Variants in TMBIM4 observed in about 807,000 individuals in gnomAD.
TMBIM4 encodes the protein transmembrane BAX inhibitor motif containing 4.
In TMBIM4, 28 loss-of-function variants were observed where a neutral mutation model predicts 27.7. That is an observed-to-expected ratio of 1.01 (90% CI 0.75 to 1.38). The LOEUF (loss-of-function observed/expected upper bound fraction) is 1.38, where lower values mean the gene tolerates loss of function less well. TMBIM4 is among the 40% of genes most tolerant of loss of function. TMBIM4 has a pLI of 0.00. For synonymous variants in TMBIM4, 115 were observed against 113.1 expected (o/e 1.02, Z -0.11); for missense variants, 265 against 277.5 (o/e 0.95, Z 0.32).
At chr12:66,148,108 G>C (rs1359031416) in intron 3 of TMBIM4, among the ~76,000 whole-genome samples, 167 bp from the exon 4 acceptor site, 1 of 152,136 alleles carries the variant, frequency 6.6e-6, no homozygotes, top group Non-Finnish European at 1.5e-5. Flanking sequence ...TAATGAAAAT[G>C]AGACCTCAGT....
chr12:66,160,903 A>G (rs1040076840), intron 1 of TMBIM4, among the ~76,000 whole-genome samples: 10 of 141,694 alleles, frequency 7.1e-5, no homozygotes, highest in African/African-American at 2.1e-4. Flanking sequence ...TGCTCCTAAC[A>G]TCCCAGACGG....
chr12:66,150,921 C>G (rs1486582743), intron 3 of TMBIM4, among the ~76,000 whole-genome samples: 1 of 152,170 alleles, frequency 6.6e-6, no homozygotes, highest in East Asian at 1.9e-4. Context: ...ACTGAATTTC[C>G]TATGATATCA....
intron 4 of TMBIM4, among the ~76,000 whole-genome samples, chr12:66,146,582 T>C (rs1056080815): frequency 3.9e-5 from 6 of 152,216 alleles, no homozygotes; most frequent in Admixed American, 3.3e-4. Flanking sequence ...TTACTGAATA[T>C]ATGCCAAATT....
chr12:66,155,609 G>C (rs1007484825), intron 1 of TMBIM4, among the ~76,000 whole-genome samples: 2 of 152,086 alleles, frequency 1.3e-5, no homozygotes, highest in Admixed American at 1.3e-4. Context: ...TGGGATTACA[G>C]GCAGGAGCCA....
intron 1 of TMBIM4, 82 bp from the exon 2 acceptor site, chr12:66,153,530 T>A (rs2051886256): frequency 1.2e-6 from 1 of 848,330 alleles, no homozygotes; most frequent in Non-Finnish European, 1.8e-6. Context: ...CTTTAAAAAA[T>A]TGTTTTTTAC....
At chr12:66,169,363 G>C in intron 1 of TMBIM4, 1 of 651,528 alleles carries the variant, frequency 1.5e-6, no homozygotes. Context: ...CCTGCGGAGA[G>C]GAAATAGTGC....
intron 5 of TMBIM4, among the ~76,000 whole-genome samples, chr12:66,142,998 C>A (rs1016816822): frequency 6.6e-5 from 10 of 152,312 alleles, no homozygotes; most frequent in Admixed American, 6.5e-4. Flanking sequence ...GGTTAAGCAG[C>A]ATGCCCCACC....
chr12:66,139,350 G>A (rs2051629248), intron 5 of TMBIM4, among the ~76,000 whole-genome samples: 1 of 152,096 alleles, frequency 6.6e-6, no homozygotes, highest in African/African-American at 2.4e-5. Flanking sequence ...TAAAATATGG[G>A]ACTTATCAGC....
chr12:66,137,927 T>TA lies in TMBIM4; in HGVS notation c.*32_*33insT, dbSNP rs1192195352. The stretch of plus-strand genomic sequence containing the variant: ...TCCTTTTTTCTCATTAAATTTTTTT[T>TA]GTTGTTCTTCAGTTGAGCTGAGATA... On this transcript the variant is annotated 3_prime_UTR_variant, in exon 7 of 7. Coordinates refer to ENST00000358230, the MANE Select transcript of TMBIM4 (RefSeq NM_016056.4). The TA allele has an allele frequency of 6.3e-7, 1 of 1,585,506 alleles. No individual in the cohort carries two copies. The highest frequency in any genetic ancestry group is 8.6e-7 in the Non-Finnish European group (1 of 1,159,038).
intron 3 of TMBIM4, among the ~76,000 whole-genome samples, chr12:66,149,466 A>C (rs2051808406): frequency 6.9e-6 from 1 of 145,114 alleles, no homozygotes; most frequent in Non-Finnish European, 1.5e-5. Context: ...AAAAAAAAAG[A>C]AAGAAAGAAA....
chr12:66,138,367 T>G (rs2051612700), intron 6 of TMBIM4: 13 of 744,378 alleles, frequency 1.7e-5, no homozygotes, highest in Non-Finnish European at 2.0e-5. Context: ...AGTGGTTATA[T>G]TCCATTAAAC....
chr12:66,154,915 A>G (rs569956332), intron 1 of TMBIM4, among the ~76,000 whole-genome samples: 2 of 152,234 alleles, frequency 1.3e-5, no homozygotes, highest in South Asian at 2.1e-4. Context: ...TGATGTCCTA[A>G]ACAGATTTTA....
Position 66,138,764 on chromosome 12 carries a change from A to G in TMBIM4, c.470T>C (p.Phe157Ser). The stretch of plus-strand genomic sequence containing the variant: ...CAGGCACAATATCCACAAAAGAGCA[A>G]ACAGCCTATAAAAATACAATTTTAG... ...KDFSKFGAGL[F>S]ALLWILCLSG... The change falls in exon 6 of 7, where the codon TTT becomes TCT. Residue 157 changes from phenylalanine (F) to serine (S), a missense_variant. By Grantham distance (155) the Phe-to-Ser change is radical (BLOSUM62 -2). Transcript: ENST00000358230. The G allele has an allele frequency of 6.5e-7, 1 of 1,547,436 alleles. No individual in the cohort carries two copies. The highest frequency in any genetic ancestry group is 8.6e-7 in the Non-Finnish European group (1 of 1,156,490).
intron 1 of TMBIM4, among the ~76,000 whole-genome samples, chr12:66,158,855 G>A: frequency 6.6e-6 from 1 of 152,148 alleles, no homozygotes; most frequent in Non-Finnish European, 1.5e-5. Flanking sequence ...ACCACTGGAT[G>A]TTGACTATGG....
rs1162358222 is a variant in TMBIM4, at chr12:66,138,173, G to T, written c.511-7C>A. The T allele has an allele frequency of 5.0e-6, 8 of 1,603,770 alleles. No homozygotes were observed. The African/African-American group carries it at 9.5e-5, about 19-fold the overall frequency. On this transcript the variant is annotated splice_region_variant and splice_polypyrimidine_tract_variant and intron_variant, in intron 6 of 6. Transcript: ENST00000358230. ...TCTCACTATAAAAAAAAAACTATAG[G>T]GAAGAGATTAAAGAAATATGTTTAT...
chr12:66,143,761 C>A (rs1293268632), intron 5 of TMBIM4, among the ~76,000 whole-genome samples: 7 of 152,138 alleles, frequency 4.6e-5, no homozygotes, highest in African/African-American at 1.4e-4. Flanking sequence ...TCAGAAGGAA[C>A]AGCCTATAAA....
Position 66,137,993 on chromosome 12 carries a change from C to CA in TMBIM4, c.683dup (p.Leu229ValfsTer8). The CA allele has an allele frequency of 6.2e-7, 1 of 1,613,884 alleles. No homozygotes were observed. The highest frequency in any genetic ancestry group is 8.5e-7 in the Non-Finnish European group (1 of 1,179,992). On this transcript the variant is annotated frameshift_variant, in exon 7 of 7. Coordinates refer to ENST00000358230, the MANE Select transcript of TMBIM4 (RefSeq NM_016056.4). LOFTEE classifies it high-confidence loss of function. ...TATTAACTGCTTCCAGAAACCGTAA[C>CA]AGGTGCAGGAATAGATTGATGATAT...
intron 5 of TMBIM4, among the ~76,000 whole-genome samples, chr12:66,141,611 C>G (rs1234230902): frequency 6.6e-6 from 1 of 151,426 alleles, no homozygotes; most frequent in East Asian, 1.9e-4. Context: ...GACACAAATA[C>G]ATTAAAAATA....
intron 3 of TMBIM4, among the ~76,000 whole-genome samples, chr12:66,150,676 G>T (rs2051830788): frequency 6.6e-6 from 1 of 152,184 alleles, no homozygotes. Flanking sequence ...GCCTCCCAAA[G>T]TGCGGGGATC....
Sources: allele counts gnomAD v4.1 joint callset (sites outside exome capture counted in the v4.1 genomes callset), GRCh38; gene constraint gnomAD v4.1.1; transcripts MANE v1.5; gene names NCBI Gene and HGNC (gene_info 2026-07-23, HGNC 2026-07-21).